The following LPP variants were observed in gnomAD, a reference collection of about 807,000 sequenced individuals.
The protein encoded by LPP is LIM domain containing preferred translocation partner in lipoma.
A neutral mutation model predicts 60.4 loss-of-function variants in LPP; 38 were observed. The ratio of observed to expected loss-of-function variants is 0.63; its 90% CI spans 0.49 to 0.83. LPP has a LOEUF of 0.83. LPP is among the 40% of genes least tolerant of loss of function. The pLI, the probability that LPP is intolerant of heterozygous loss-of-function variation, is 0.00. For missense variants in LPP, 902 were observed against 783.6 expected (o/e 1.15, Z -1.80); for synonymous variants, 328 against 290.8 (o/e 1.13, Z -1.30).
intron 3 of LPP, among the ~76,000 whole-genome samples, chr3:188,370,888 C>T (rs539419323): frequency 4.6e-4 from 70 of 152,252 alleles, no homozygotes; most frequent in African/African-American, 1.4e-3. Context: ...TCTTGGCTGT[C>T]GCAGCTTTGT....
intron 7 of LPP, among the ~76,000 whole-genome samples, chr3:188,619,023 TA>T: frequency 6.6e-6 from 1 of 152,308 alleles, no homozygotes; most frequent in East Asian, 1.9e-4. Flanking sequence ...TTTTTTATTT[TA>T]TTTTTTTCTT....
At chr3:188,623,942 A>G (rs1846294089) in intron 7 of LPP, among the ~76,000 whole-genome samples, 1 of 152,148 alleles carries the variant, frequency 6.6e-6, no homozygotes, top group Non-Finnish European at 1.5e-5. Flanking sequence ...CTATGAATCA[A>G]CCGGCAAGGC....
intron 7 of LPP, among the ~76,000 whole-genome samples, chr3:188,649,747 T>A (rs1387996987): frequency 6.6e-6 from 1 of 152,188 alleles, no homozygotes; most frequent in East Asian, 1.9e-4. Flanking sequence ...ACAACTATAA[T>A]TCCTGAGTCA....
chr3:188,292,528 C>A (rs996897431), intron 2 of LPP, among the ~76,000 whole-genome samples: 6 of 152,158 alleles, frequency 3.9e-5, no homozygotes, highest in Non-Finnish European at 7.4e-5. Flanking sequence ...CTTAAGTTTC[C>A]TGATGACTTA....
Position 188,451,906 on chromosome 3 carries a change from C to G in LPP, c.194-32686C>G, listed in dbSNP as rs1796674656. Among the ~76,000 whole-genome samples the G allele has an allele frequency of 2.0e-5, 3 of 152,258 alleles. No individual in the cohort carries two copies. In the South Asian group the frequency reaches 6.2e-4, roughly 32 times the overall value. ...TTATTCAACATATTTTTATGGAGTG[C>G]TTACTATGCTCTAGAATATGACAGT... On this transcript the variant is annotated intron_variant, in intron 4 of 11. Transcript: ENST00000617246.
chr3:188,255,934 C>T (rs1051377831), intron 2 of LPP, among the ~76,000 whole-genome samples: 1 of 152,110 alleles, frequency 6.6e-6, no homozygotes, highest in East Asian at 1.9e-4. Context: ...CACTGGTTAC[C>T]GTCATACCGT....
chr3:188,433,567 TGA>T (rs893717237), intron 4 of LPP, among the ~76,000 whole-genome samples: 1 of 134,818 alleles, frequency 7.4e-6, no homozygotes, highest in East Asian at 2.2e-4. Context: ...AGCTCAGGGA[TGA>T]GAGAGAGAGA....
intron 3 of LPP, among the ~76,000 whole-genome samples, chr3:188,375,199 T>C (rs996625973): frequency 9.9e-5 from 15 of 152,214 alleles, no homozygotes; most frequent in African/African-American, 3.6e-4. Flanking sequence ...CAGGCTTTGG[T>C]ATCAGGATGA....
intron 6 of LPP, among the ~76,000 whole-genome samples, chr3:188,608,648 T>C (rs1580358654): frequency 6.6e-6 from 1 of 152,346 alleles, no homozygotes; most frequent in East Asian, 1.9e-4. Context: ...ATAAGGCTTT[T>C]TGTGGTCTTT....
intron 9 of LPP, among the ~76,000 whole-genome samples, chr3:188,805,142 T>TTG (rs1748688069): frequency 6.6e-6 from 1 of 152,084 alleles, no homozygotes; most frequent in Admixed American, 6.6e-5. Context: ...TGAGGTATAC[T>TTG]AAACTGTGGT....
At chr3:188,558,455 A>G (rs1355670091) in intron 6 of LPP, among the ~76,000 whole-genome samples, 1 of 152,044 alleles carries the variant, frequency 6.6e-6, no homozygotes. Flanking sequence ...CACTTGTCAC[A>G]TATATACCCT....
chr3:188,820,271 TTG>T (rs144058834), intron 9 of LPP, among the ~76,000 whole-genome samples: 13,955 of 151,728 alleles, frequency 0.092, 928 homozygotes, highest in African/African-American at 0.19. Flanking sequence ...AAACTGGTGT[TTG>T]TGTGTGTGTG....
intron 6 of LPP, among the ~76,000 whole-genome samples, chr3:188,569,952 C>T (rs7619466): frequency 0.29 from 44,541 of 151,484 alleles, 6,821 homozygotes; most frequent in Middle Eastern, 0.34. Context: ...CATTCTCACT[C>T]TAACCCTAGA....
intron 7 of LPP, among the ~76,000 whole-genome samples, chr3:188,654,129 G>A (rs888156996): frequency 1.3e-5 from 2 of 152,218 alleles, no homozygotes; most frequent in Non-Finnish European, 2.9e-5. Context: ...GCTAGGAAAA[G>A]TACTGTGGTT....
At chr3:188,179,216 C>T (rs1277335852) in intron 1 of LPP, 34 of 457,336 alleles carry the variant, frequency 7.4e-5, no homozygotes, top group Non-Finnish European at 1.3e-4. Flanking sequence ...AATTTGCCAC[C>T]GTGAAGAGCA....
chr3:188,839,343 G>C (rs1301997252), intron 9 of LPP, among the ~76,000 whole-genome samples: 1 of 152,134 alleles, frequency 6.6e-6, no homozygotes. Flanking sequence ...TAGATTTCAA[G>C]GCCCACAGCT....
intron 4 of LPP, among the ~76,000 whole-genome samples, chr3:188,473,837 G>A (rs541890871): frequency 6.6e-6 from 1 of 152,172 alleles, no homozygotes; most frequent in East Asian, 1.9e-4. Context: ...GATCAATACA[G>A]TACAGATGGT....
At chr3:188,577,639 G>A (rs1834937674) in intron 6 of LPP, among the ~76,000 whole-genome samples, 1 of 151,472 alleles carries the variant, frequency 6.6e-6, no homozygotes, top group African/African-American at 2.4e-5. Flanking sequence ...AAAAACTTTA[G>A]TAATAAATAT....
At chr3:188,224,116 C>T (rs1354009103) in intron 1 of LPP, among the ~76,000 whole-genome samples, 2 of 152,070 alleles carry the variant, frequency 1.3e-5, no homozygotes, top group Admixed American at 6.5e-5. Context: ...AGTCCCTCTG[C>T]CCAGTGTGTT....
Sources: gnomAD v4.1 joint callset for allele counts (sites outside exome capture counted in the v4.1 genomes callset) on GRCh38, gnomAD v4.1.1 for gene constraint, MANE v1.5 for transcripts, NCBI Gene and HGNC (gene_info 2026-07-23, HGNC 2026-07-21) for gene names.